Variants in CCDC30 observed in about 807,000 individuals in gnomAD.
The protein encoded by CCDC30 is coiled-coil domain containing 30.
CCDC30 carries 70 observed loss-of-function variants against 100.2 expected under a neutral mutation model. The ratio of observed to expected loss-of-function variants is 0.70; its 90% CI spans 0.58 to 0.85. The LOEUF is 0.85. CCDC30 is among the 40% of genes least tolerant of loss of function. The pLI is 0.00. For missense variants in CCDC30, 652 were observed against 771.2 expected, an observed-to-expected ratio of 0.85 and a Z score of 1.83; for synonymous variants, 233 against 269.5, an observed-to-expected ratio of 0.86 and a Z score of 1.33.
chr1:42,622,779 A>C (rs1259528172), intron 11 of CCDC30, among the ~76,000 whole-genome samples: 1 of 152,026 alleles, frequency 6.6e-6, no homozygotes, highest in Non-Finnish European at 1.5e-5. Context: ...GCCCAGCCTC[A>C]ATTTTTAGTT....
chr1:42,492,546 C>G (rs1644160572), intron 4 of CCDC30: 1 of 152,372 alleles, frequency 6.6e-6, no homozygotes, highest in Non-Finnish European at 1.5e-5. Flanking sequence ...AAGCAAATCT[C>G]TGTGAAAAAA....
chr1:42,547,692 C>CT (rs1384193243), intron 6 of CCDC30, among the ~76,000 whole-genome samples: 3 of 152,254 alleles, frequency 2.0e-5, no homozygotes, highest in Middle Eastern at 3.4e-3. Flanking sequence ...CCTCCTTCTC[C>CT]TTTTTTTCTC....
chr1:42,491,990 C>A, intron 4 of CCDC30: 1 of 787,468 alleles, frequency 1.3e-6, no homozygotes, highest in South Asian at 1.7e-5. Flanking sequence ...TTAGAAAATT[C>A]AAGCTGATTG....
intron 6 of CCDC30, among the ~76,000 whole-genome samples, chr1:42,554,796 C>A (rs1557850040): frequency 1.3e-5 from 2 of 152,016 alleles, no homozygotes; most frequent in East Asian, 1.9e-4. Context: ...TGGCTTTCAC[C>A]TCCTCTGCTT....
At chr1:42,558,540 T>C (rs970957924) in intron 6 of CCDC30, among the ~76,000 whole-genome samples, 2 of 152,182 alleles carry the variant, frequency 1.3e-5, no homozygotes, top group Non-Finnish European at 2.9e-5. Context: ...TTATTATCCA[T>C]ATCTTAAGAT....
intron 1 of CCDC30, among the ~76,000 whole-genome samples, chr1:42,466,337 CAAG>C (rs899552058): frequency 6.6e-6 from 1 of 152,190 alleles, no homozygotes; most frequent in African/African-American, 2.4e-5. Context: ...GGAGAAAAAA[CAAG>C]GAGACTGCAC....
intron 8 of CCDC30, chr1:42,581,077 G>A (rs570529359): frequency 1.3e-5 from 5 of 375,194 alleles, no homozygotes; most frequent in South Asian, 1.2e-4. Context: ...TGAGGCTCAA[G>A]CGATTCACCC....
chr1:42,546,995 C>T (rs528516649), intron 6 of CCDC30, among the ~76,000 whole-genome samples: 25 of 152,192 alleles, frequency 1.6e-4, no homozygotes, highest in African/African-American at 4.1e-4. Flanking sequence ...AAAGTTATAT[C>T]TTTGTAAATG....
intron 7 of CCDC30, among the ~76,000 whole-genome samples, chr1:42,568,170 A>G (rs1420590652): frequency 6.6e-6 from 1 of 152,152 alleles, no homozygotes; most frequent in East Asian, 1.9e-4. Flanking sequence ...GCTGAAGTGC[A>G]GTGGCATGAT....
intron 11 of CCDC30, among the ~76,000 whole-genome samples, chr1:42,614,226 G>A (rs1646681425): frequency 1.3e-5 from 2 of 150,366 alleles, no homozygotes; most frequent in African/African-American, 2.4e-5. Flanking sequence ...GACTACAGGC[G>A]CCCGCCACTA....
chr1:42,506,888 C>T (rs533615598), intron 6 of CCDC30, among the ~76,000 whole-genome samples: 10 of 152,172 alleles, frequency 6.6e-5, no homozygotes, highest in Non-Finnish European at 1.0e-4. Flanking sequence ...ACGTGAAAAT[C>T]CTGTTCAAAG....
intron 6 of CCDC30, among the ~76,000 whole-genome samples, chr1:42,521,861 T>C (rs1037441770): frequency 1.4e-4 from 22 of 152,032 alleles, no homozygotes; most frequent in Admixed American, 1.0e-3. Context: ...GATATTAGTA[T>C]AGTGTAGTAA....
At chr1:42,515,667 C>T (rs927516230) in intron 6 of CCDC30, among the ~76,000 whole-genome samples, 2 of 152,154 alleles carry the variant, frequency 1.3e-5, no homozygotes, top group Non-Finnish European at 2.9e-5. Context: ...TTGTAAATTA[C>T]CTAGTCTATG....
chr1:42,497,313 C>T (rs1644245897), intron 5 of CCDC30, 100 bp downstream of exon 5: 2 of 596,258 alleles, frequency 3.4e-6, no homozygotes, highest in Middle Eastern at 3.3e-4. Context: ...TGGTCTTTAG[C>T]AGGGACCAAT....
chr1:42,555,864 A>G (rs1645357257), intron 6 of CCDC30, among the ~76,000 whole-genome samples: 1 of 151,974 alleles, frequency 6.6e-6, no homozygotes, highest in Admixed American at 6.6e-5. Flanking sequence ...TAATTTTTGT[A>G]CTTTTAGTAG....
intron 6 of CCDC30, among the ~76,000 whole-genome samples, chr1:42,542,522 G>A (rs1270727779): frequency 6.9e-6 from 1 of 144,428 alleles, no homozygotes; most frequent in Non-Finnish European, 1.5e-5. Context: ...ACCACACCTG[G>A]CTAATTTTAA....
chr1:42,652,922 G>A (rs1041243116), intron 15 of CCDC30, among the ~76,000 whole-genome samples: 8 of 152,236 alleles, frequency 5.3e-5, no homozygotes, highest in African/African-American at 1.9e-4. Context: ...GGGCTTTTTT[G>A]GGGGGTGATG....
intron 15 of CCDC30, among the ~76,000 whole-genome samples, chr1:42,646,831 G>A (rs1032744475): frequency 2.6e-5 from 4 of 152,118 alleles, no homozygotes; most frequent in African/African-American, 4.8e-5. Flanking sequence ...GGCTGGGTGC[G>A]GTGGTTCATG....
chr1:42,559,784 A>C (rs1645448684), intron 6 of CCDC30, among the ~76,000 whole-genome samples: 1 of 152,200 alleles, frequency 6.6e-6, no homozygotes, highest in African/African-American at 2.4e-5. Context: ...CTCTGGATCT[A>C]ATGGACCTAG....
Sources: gnomAD v4.1 joint callset for allele counts (sites outside exome capture counted in the v4.1 genomes callset) on GRCh38, gnomAD v4.1.1 for gene constraint, MANE v1.5 for transcripts, NCBI Gene and HGNC (gene_info 2026-07-23, HGNC 2026-07-21) for gene names.